TRPM3: variants seen among roughly 807,000 people sequenced by gnomAD.
TRPM3 encodes the protein long transient receptor potential channel 3.
A neutral mutation model predicts 181.2 loss-of-function variants in TRPM3; 77 were observed. That is an observed-to-expected ratio of 0.42 (90% CI 0.35 to 0.51). TRPM3 has a LOEUF of 0.51. Ranked by LOEUF, TRPM3 falls within the 20% of genes least tolerant of loss-of-function variation. TRPM3 has a pLI of 0.01. For missense variants in TRPM3, 1,759 were observed against 2,196.7 expected, an observed-to-expected ratio of 0.80 and a Z score of 3.98; for synonymous variants, 745 against 796.4, an observed-to-expected ratio of 0.94 and a Z score of 1.09.
intron 1 of TRPM3, among the ~76,000 whole-genome samples, chr9:70,904,201 T>G (rs975140513): frequency 3.9e-5 from 6 of 152,084 alleles, no homozygotes; most frequent in Admixed American, 2.0e-4. Context: ...CCTGCCTGGG[T>G]GACAGAGTGA....
intron 1 of TRPM3, among the ~76,000 whole-genome samples, chr9:71,156,399 A>C (rs2076004296): frequency 6.8e-6 from 1 of 147,388 alleles, no homozygotes. Context: ...ACACACACAC[A>C]CACACACACA....
Position 70,633,564 on chromosome 9 carries a change from A to G in TRPM3, c.1632+1647T>C, listed in dbSNP as rs139049253. Among the ~76,000 whole-genome samples, 18 of 152,248 alleles carry G rather than the reference A, an allele frequency of 1.2e-4. No homozygotes were observed. The East Asian group carries it at 3.1e-3, about 26-fold the overall frequency. On this transcript the variant is annotated intron_variant, in intron 12 of 25. Transcript: ENST00000677713. Reference sequence around the variant, plus strand: ...AATCCTTCATTAAGGTGGTATAGAGATGGGAGGAAAGTTTGCAAGGGCCAA... The same window carrying G: ...AATCCTTCATTAAGGTGGTATAGAGGTGGGAGGAAAGTTTGCAAGGGCCAA...
At chr9:70,681,723 C>T (rs748575615) in intron 8 of TRPM3, 145 bp from the exon 9 acceptor site, 107 of 693,700 alleles carry the variant, frequency 1.5e-4, no homozygotes, top group East Asian at 2.6e-4. Flanking sequence ...AACAAGAATC[C>T]GATGAGAGAG....
chr9:70,898,393 A>T (rs944710974), intron 1 of TRPM3, among the ~76,000 whole-genome samples: 7 of 151,228 alleles, frequency 4.6e-5, no homozygotes, highest in Non-Finnish European at 1.0e-4. Context: ...AAGTGCTGAG[A>T]TTACAGGCGT....
intron 1 of TRPM3, among the ~76,000 whole-genome samples, chr9:71,328,402 G>A (rs1001333651): frequency 3.3e-5 from 5 of 152,056 alleles, no homozygotes; most frequent in African/African-American, 1.2e-4. Flanking sequence ...TCCTGACCTC[G>A]TGATCTGCCC....
chr9:70,660,533 C>T (rs531599323), intron 9 of TRPM3, among the ~76,000 whole-genome samples: 3 of 152,028 alleles, frequency 2.0e-5, no homozygotes, highest in Non-Finnish European at 4.4e-5. Flanking sequence ...GTGCTCTGAC[C>T]ATAACTCCTC....
chr9:70,992,234 A>G (rs377044968), intron 1 of TRPM3, among the ~76,000 whole-genome samples: 1 of 152,212 alleles, frequency 6.6e-6, no homozygotes, highest in East Asian at 1.9e-4. Context: ...TGTTAAATGA[A>G]GAAGTAAATT....
At chr9:70,678,964 A>G (rs2134202465) in intron 9 of TRPM3, among the ~76,000 whole-genome samples, 1 of 152,388 alleles carries the variant, frequency 6.6e-6, no homozygotes, top group South Asian at 2.1e-4. Context: ...TTGACACATC[A>G]TAATCTTTTA....
At chr9:70,683,805 T>C (rs910939975) in intron 8 of TRPM3, among the ~76,000 whole-genome samples, 9 of 152,166 alleles carry the variant, frequency 5.9e-5, no homozygotes, top group African/African-American at 1.9e-4. Flanking sequence ...GAGGGAACTA[T>C]TCTATCCTCT....
intron 1 of TRPM3, among the ~76,000 whole-genome samples, chr9:71,299,818 A>C (rs1425780690): frequency 2.0e-5 from 3 of 152,120 alleles, no homozygotes; most frequent in Non-Finnish European, 4.4e-5. Context: ...GGGAAAAATG[A>C]CTATTAAGGA....
chr9:71,203,229 C>T (rs1300056435), intron 1 of TRPM3, among the ~76,000 whole-genome samples: 1 of 152,200 alleles, frequency 6.6e-6, no homozygotes, highest in Non-Finnish European at 1.5e-5. Context: ...GGTTTTACCA[C>T]TTATGTCACC....
chr9:70,596,393 T>C (rs2059024486), intron 21 of TRPM3, among the ~76,000 whole-genome samples: 1 of 152,200 alleles, frequency 6.6e-6, no homozygotes, highest in African/African-American at 2.4e-5. Context: ...GTTCCATAAA[T>C]ATTGAGTTAG....
chr9:71,307,327 C>A (rs1403972635), intron 1 of TRPM3, among the ~76,000 whole-genome samples: 1 of 151,794 alleles, frequency 6.6e-6, no homozygotes. Context: ...ATTTACCAAT[C>A]CTATAATTGC....
At chr9:71,090,391 C>T (rs140452059) in intron 1 of TRPM3, among the ~76,000 whole-genome samples, 146 of 152,248 alleles carry the variant, frequency 9.6e-4, no homozygotes, top group African/African-American at 3.0e-3. Context: ...AACATAATTC[C>T]GTATCTTTAA....
chr9:71,159,105 T>TTAG lies in TRPM3; in HGVS notation c.183+287547_183+287548insCTA, dbSNP rs1554836762. On this transcript the variant is annotated intron_variant, in intron 1 of 24. Coordinates refer to the TRPM3 transcript ENST00000357533. ...TGAGCCTATATTATATATATATATT[T>TTAG]AGAGAGAGAGAGAGAGAGAGAGAGA... Among the ~76,000 whole-genome samples the TTAG allele has an allele frequency of 9.0e-5, 13 of 144,176 alleles. No homozygotes were observed. In the South Asian group the frequency reaches 1.6e-3, roughly 18 times the overall value. The allele number at this position is 144,176 out of a possible 152,430, so 94.6% of individuals were successfully genotyped here. A position where few individuals can be genotyped will look rare whatever the true frequency, so the allele number is the denominator to read the frequency against.
intron 4 of TRPM3, among the ~76,000 whole-genome samples, chr9:70,843,556 T>A (rs187938224): frequency 2.8e-3 from 434 of 152,334 alleles, no homozygotes; most frequent in Non-Finnish European, 4.5e-3. Flanking sequence ...ATGAGTTAAA[T>A]TCATTCAAAG....
intron 1 of TRPM3, among the ~76,000 whole-genome samples, chr9:71,130,931 C>A (rs1005392016): frequency 6.6e-5 from 10 of 152,126 alleles, no homozygotes; most frequent in Non-Finnish European, 1.2e-4. Flanking sequence ...TAATTAAATT[C>A]TTTGCAAGTA....
At position 70,536,973 on chromosome 9, in the gene TRPM3, A is replaced by G. The variant is rs1234820452; in HGVS notation, c.4140T>C (p.Thr1380=). 1.9e-6 allele frequency: 3 copies of G among 1,613,662 alleles called. No homozygotes were observed. Among genetic ancestry groups the G allele is most frequent in the African/African-American group, 1.3e-5 (1 of 75,052 alleles). The change falls in exon 26 of 26, where the codon ACT becomes ACC. Residue 1380 remains threonine (T), a synonymous_variant. Coordinates refer to ENST00000677713, the MANE Select transcript of TRPM3 (RefSeq NM_001366145.2). ...KERSLSLHRA[T]SSHSVAKEPK... ...GTTCTTTTGCTACAGAGTGGGAACTAGTAGCCCGGTGTAGGCTCAGGGACC... is the reference window on the plus strand; with the variant it reads ...GTTCTTTTGCTACAGAGTGGGAACTGGTAGCCCGGTGTAGGCTCAGGGACC...
At position 71,131,317 on chromosome 9, in the gene TRPM3, A is replaced by C. The variant is rs148475477; in HGVS notation, c.184-266806T>G. Among the ~76,000 whole-genome samples the C allele has an allele frequency of 3.3e-5, 5 of 152,236 alleles. No individual in the cohort carries two copies. The East Asian group carries it at 9.7e-4, about 29-fold the overall frequency. On this transcript the variant is annotated intron_variant, in intron 1 of 24. Coordinates refer to the TRPM3 transcript ENST00000357533. ...GATCTCCCTAGAGAGTCCTTCCTTG[A>C]TCTCTTGAGCCCTCCTTCAACATTT...
Sources: allele counts gnomAD v4.1 joint callset (sites outside exome capture counted in the v4.1 genomes callset), GRCh38; gene constraint gnomAD v4.1.1; transcripts MANE v1.5; gene names NCBI Gene and HGNC (gene_info 2026-07-23, HGNC 2026-07-21).